Variants in LTBP1 observed in about 807,000 individuals in gnomAD.
The protein encoded by LTBP1 is latent-transforming growth factor beta-binding protein 1.
LTBP1 carries 129 observed loss-of-function variants against 207.6 expected under a neutral mutation model. That is an observed-to-expected ratio of 0.62 (90% CI 0.54 to 0.72). LTBP1 has a LOEUF of 0.72. Among genes scored for constraint, LTBP1 ranks in the 30% least tolerant of loss-of-function variants. The pLI is 0.00. For synonymous variants in LTBP1, 963 were observed against 833.7 expected (o/e 1.16, Z -2.67); for missense variants, 2,281 against 2,217.2 (o/e 1.03, Z -0.58).
At chr2:33,020,004 G>A (rs1250314537) in intron 2 of LTBP1, among the ~76,000 whole-genome samples, 1 of 151,618 alleles carries the variant, frequency 6.6e-6, no homozygotes, top group African/African-American at 2.4e-5. Flanking sequence ...GTGAGCCACT[G>A]TGCCTGGACT....
chr2:33,091,341 T>C (rs1295098163), intron 3 of LTBP1, among the ~76,000 whole-genome samples: 1 of 152,172 alleles, frequency 6.6e-6, no homozygotes, highest in Non-Finnish European at 1.5e-5. Context: ...GCATAGATAT[T>C]GTGTTAATAC....
chr2:33,190,988 C>G (rs1302859578), intron 7 of LTBP1, among the ~76,000 whole-genome samples: 1 of 152,206 alleles, frequency 6.6e-6, no homozygotes, highest in Non-Finnish European at 1.5e-5. Flanking sequence ...TGAAGATAAA[C>G]TTTATACACT....
Position 33,301,559 on chromosome 2 carries a change from T to A in LTBP1, c.3396T>A (p.His1132Gln). 1 of 1,611,786 alleles carries A rather than the reference T, an allele frequency of 6.2e-7. No homozygotes were observed. Among genetic ancestry groups the A allele is most frequent in the Non-Finnish European group, 8.5e-7 (1 of 1,179,016 alleles). ...GCCAGCACCGTCATCTCTGTGCTCA[T>A]GGGCAGTGCAGGAACACTGAGGGCT... Reference protein sequence around the residue: ...DECQHRHLCAHGQCRNTEGSF... With the variant: ...DECQHRHLCAQGQCRNTEGSF... The change falls in exon 22 of 34, where the codon CAT becomes CAA. Residue 1132 changes from histidine (H) to glutamine (Q), a missense_variant. His to Gln is a conservative substitution (Grantham distance 24). This residue lies in a region of LTBP1 where 1,671 missense variants were observed against 1,634.8 expected (regional missense o/e 1.02). Transcript: ENST00000404816.
intron 5 of LTBP1, among the ~76,000 whole-genome samples, chr2:33,177,194 C>T (rs560515501): frequency 1.3e-5 from 2 of 152,132 alleles, no homozygotes; most frequent in African/African-American, 2.4e-5. Context: ...TTAGTGTAAT[C>T]GACTCATGTT....
At chr2:33,193,843 C>G (rs186033041) in intron 7 of LTBP1, among the ~76,000 whole-genome samples, 53 of 152,206 alleles carry the variant, frequency 3.5e-4, no homozygotes, top group Non-Finnish European at 6.9e-4. Flanking sequence ...ACTGGCCATT[C>G]CCCCATCTCT....
At chr2:32,988,470 A>G (rs986639163) in intron 2 of LTBP1, among the ~76,000 whole-genome samples, 10 of 152,232 alleles carry the variant, frequency 6.6e-5, no homozygotes, top group Non-Finnish European at 1.5e-4. Flanking sequence ...ATATGGAGCC[A>G]GCTCTTTAAT....
chr2:33,304,565 T>C (rs1382926968), intron 22 of LTBP1, among the ~76,000 whole-genome samples: 3 of 152,228 alleles, frequency 2.0e-5, no homozygotes, highest in Non-Finnish European at 4.4e-5. Flanking sequence ...GCTTGGTAGC[T>C]AGTCATTCTG....
intron 3 of LTBP1, among the ~76,000 whole-genome samples, chr2:33,093,324 TC>T (rs960814894): frequency 1.3e-5 from 2 of 152,166 alleles, no homozygotes; most frequent in African/African-American, 4.8e-5. Flanking sequence ...CATATTGTTT[TC>T]CCCTGCTCTC....
intron 22 of LTBP1, among the ~76,000 whole-genome samples, chr2:33,308,198 G>GTAAA (rs2094128351): frequency 6.6e-6 from 1 of 152,178 alleles, no homozygotes; most frequent in Admixed American, 6.5e-5. Context: ...TTGACTAGGG[G>GTAAA]TAAACATGGT....
At chr2:33,296,766 T>C (rs1027090058) in intron 20 of LTBP1, among the ~76,000 whole-genome samples, 32 of 152,268 alleles carry the variant, frequency 2.1e-4, no homozygotes, top group Non-Finnish European at 4.0e-4. Flanking sequence ...TATCGGATGC[T>C]AGTCCTGATG....
intron 15 of LTBP1, 116 bp from the exon 16 acceptor site, chr2:33,273,540 T>A (rs1206254480): frequency 1.5e-6 from 1 of 676,318 alleles, no homozygotes; most frequent in Non-Finnish European, 2.3e-6. Context: ...CTTCTAAATG[T>A]AGAGCTGGCA....
At chr2:33,130,022 T>C (rs1356661952) in intron 4 of LTBP1, among the ~76,000 whole-genome samples, 1 of 152,248 alleles carries the variant, frequency 6.6e-6, no homozygotes, top group African/African-American at 2.4e-5. Flanking sequence ...CAGAGCAGTC[T>C]ATGGGCATTA....
chr2:33,331,541 G>C (rs1384102078), intron 24 of LTBP1, among the ~76,000 whole-genome samples: 1 of 151,920 alleles, frequency 6.6e-6, no homozygotes, highest in South Asian at 2.1e-4. Flanking sequence ...TTTGTTACTG[G>C]TTTCTACCTT....
intron 5 of LTBP1, among the ~76,000 whole-genome samples, chr2:33,174,801 A>AAAC (rs2085851868): frequency 6.6e-6 from 1 of 152,162 alleles, no homozygotes; most frequent in South Asian, 2.1e-4. Flanking sequence ...ACTGGTACCA[A>AAAC]AACAGAGATA....
At chr2:33,299,042 G>A (rs62148925) in intron 20 of LTBP1, among the ~76,000 whole-genome samples, 1 of 152,092 alleles carries the variant, frequency 6.6e-6, no homozygotes, top group African/African-American at 2.4e-5. Context: ...TTGGGAGAAC[G>A]AGGCAGGCGG....
intron 6 of LTBP1, 100 bp from the exon 7 acceptor site, chr2:33,188,477 C>T (rs2087460749): frequency 1.3e-6 from 1 of 764,518 alleles, no homozygotes; most frequent in Non-Finnish European, 2.1e-6. Context: ...AAATGCTACA[C>T]ATGCATGCAT....
At chr2:33,135,398 G>A (rs2082062166) in intron 5 of LTBP1, among the ~76,000 whole-genome samples, 1 of 152,170 alleles carries the variant, frequency 6.6e-6, no homozygotes, top group African/African-American at 2.4e-5. Flanking sequence ...AAATAGCCAA[G>A]CTCTAAAACA....
intron 5 of LTBP1, among the ~76,000 whole-genome samples, chr2:33,142,019 A>T (rs2082675273): frequency 6.6e-6 from 1 of 152,332 alleles, no homozygotes; most frequent in African/African-American, 2.4e-5. Flanking sequence ...TCTTAGATTT[A>T]AAAAAGGTTA....
intron 10 of LTBP1, among the ~76,000 whole-genome samples, chr2:33,246,224 T>C (rs1453021060): frequency 1.3e-5 from 2 of 152,180 alleles, no homozygotes; most frequent in African/African-American, 4.8e-5. Flanking sequence ...AAGATTTATT[T>C]CTCTTTCCTC....
Sources: allele counts gnomAD v4.1 joint callset (sites outside exome capture counted in the v4.1 genomes callset), GRCh38; gene constraint gnomAD v4.1.1; regional missense constraint gnomAD v4.1.1; transcripts MANE v1.5; gene names NCBI Gene and HGNC (gene_info 2026-07-23, HGNC 2026-07-21).